EYA4: variants seen among roughly 807,000 people sequenced by gnomAD.
The protein encoded by EYA4 is EYA transcriptional coactivator and phosphatase 4.
In EYA4, 31 loss-of-function variants were observed where a neutral mutation model predicts 87.9. The observed-to-expected ratio is 0.35, with a 90% confidence interval of 0.27 to 0.48. EYA4 has a LOEUF of 0.48. Ranked by LOEUF, EYA4 falls within the 20% of genes least tolerant of loss-of-function variation. The pLI is 0.99. For missense variants in EYA4, 678 were observed against 761.4 expected (o/e 0.89, Z 1.29); for synonymous variants, 263 against 270.6 (o/e 0.97, Z 0.28).
intron 1 of EYA4, among the ~76,000 whole-genome samples, chr6:133,254,847 G>A (rs9402497): frequency 0.22 from 33,864 of 152,084 alleles, 4,083 homozygotes; most frequent in African/African-American, 0.31. Flanking sequence ...GAACAAAACA[G>A]AAAAAGAGAA....
chr6:133,418,673 G>T (rs150611839), intron 3 of EYA4, among the ~76,000 whole-genome samples: 1 of 152,158 alleles, frequency 6.6e-6, no homozygotes, highest in Non-Finnish European at 1.5e-5. Context: ...TTAAGGTTTT[G>T]TGCAACATGA....
intron 13 of EYA4, among the ~76,000 whole-genome samples, chr6:133,498,225 CA>C (rs1797799501): frequency 6.6e-6 from 1 of 152,162 alleles, no homozygotes; most frequent in Non-Finnish European, 1.5e-5. Context: ...GCAGTGCTAA[CA>C]AACACCATAT....
At chr6:133,506,653 C>T (rs1245769866) in intron 14 of EYA4, among the ~76,000 whole-genome samples, 1 of 152,188 alleles carries the variant, frequency 6.6e-6, no homozygotes, top group Non-Finnish European at 1.5e-5. Flanking sequence ...CTGGATAAAA[C>T]AGTGCTAGAA....
At chr6:133,403,595 AC>A (rs1267682431) in intron 3 of EYA4, among the ~76,000 whole-genome samples, 33 of 152,244 alleles carry the variant, frequency 2.2e-4, no homozygotes, top group Admixed American at 2.0e-3. Context: ...AAGAAAGATT[AC>A]ATTTACTTCA....
chr6:133,401,415 A>G (rs1473389596), intron 3 of EYA4, among the ~76,000 whole-genome samples: 1 of 152,228 alleles, frequency 6.6e-6, no homozygotes, highest in South Asian at 2.1e-4. Flanking sequence ...TGTTCCTAGC[A>G]TAAAGAAAAT....
intron 19 of EYA4, among the ~76,000 whole-genome samples, chr6:133,527,839 C>T (rs896963920): frequency 2.1e-4 from 32 of 152,166 alleles, no homozygotes; most frequent in African/African-American, 7.7e-4. Context: ...TAGAAGATGT[C>T]ATCAGCCCAA....
At chr6:133,309,386 G>A (rs1411711000) in intron 2 of EYA4, among the ~76,000 whole-genome samples, 2 of 152,110 alleles carry the variant, frequency 1.3e-5, no homozygotes, top group Admixed American at 6.5e-5. Flanking sequence ...GTACAGTAAT[G>A]ATTCTCTTAA....
Position 133,462,663 on chromosome 6 carries a change from T to C in EYA4, c.623T>C (p.Leu208Pro), listed in dbSNP as rs2060740628. ...MLPAIKTESGLSQTQSPLQSG... is the reference protein window; with the variant it reads ...MLPAIKTESGPSQTQSPLQSG... ...CCAGCCATCAAGACAGAGAGTGGAC[T>C]TTCCCAAACTCAGTCCCCATTACAG... The change falls in exon 9 of 20, where the codon CTT (leucine) becomes CCT (proline). Residue 208 changes from leucine to proline, a missense_variant. Leu to Pro is a moderately conservative substitution (Grantham distance 98). Transcript: ENST00000355286. 5 of 1,613,886 alleles carry C rather than the reference T, an allele frequency of 3.1e-6. No homozygotes were observed. The highest frequency in any genetic ancestry group is 1.7e-5 in the Admixed American group (1 of 59,972).
At chr6:133,310,482 C>T (rs1241235620) in intron 2 of EYA4, among the ~76,000 whole-genome samples, 2 of 152,070 alleles carry the variant, frequency 1.3e-5, no homozygotes, top group Admixed American at 6.6e-5. Context: ...TAATATTTTT[C>T]TTCTAGCTTT....
chr6:133,508,438 T>TGATC lies in EYA4; in HGVS notation c.1281+2244_1281+2247dup, dbSNP rs377516702. Among the ~76,000 whole-genome samples, 355 of 152,260 alleles carry TGATC rather than the reference T, an allele frequency of 2.3e-3. 1 individual carries two copies. Among genetic ancestry groups the TGATC allele is most frequent in the African/African-American group, 8.0e-3 (332 of 41,572 alleles). On this transcript the variant is annotated intron_variant, in intron 14 of 19. Transcript: ENST00000355286. ...TAACTTTTGGGGTTAGTTTTTCTGT[T>TGATC]GATCAGTATGGATGAGTTGCATTGT...
intron 2 of EYA4, among the ~76,000 whole-genome samples, chr6:133,339,008 A>C (rs1782586741): frequency 6.6e-6 from 1 of 152,152 alleles, no homozygotes; most frequent in Non-Finnish European, 1.5e-5. Context: ...GTTATCAGTA[A>C]ACCTTATTAG....
chr6:133,301,706 G>A (rs1779423155), intron 2 of EYA4, among the ~76,000 whole-genome samples: 1 of 152,162 alleles, frequency 6.6e-6, no homozygotes, highest in South Asian at 2.1e-4. Flanking sequence ...AGTAAGTATC[G>A]GAACTGGGAT....
At chr6:133,412,856 C>T (rs1417761432) in intron 3 of EYA4, among the ~76,000 whole-genome samples, 3 of 152,096 alleles carry the variant, frequency 2.0e-5, no homozygotes, top group Non-Finnish European at 4.4e-5. Flanking sequence ...CATCGGACTT[C>T]CTTTGGTGGG....
intron 12 of EYA4, among the ~76,000 whole-genome samples, chr6:133,482,203 A>G (rs538303172): frequency 5.0e-4 from 76 of 152,370 alleles, no homozygotes; most frequent in African/African-American, 1.7e-3. Context: ...TACATACCAC[A>G]TACTTCGGTT....
chr6:133,397,637 T>A (rs1237137821), intron 3 of EYA4, among the ~76,000 whole-genome samples: 1 of 152,202 alleles, frequency 6.6e-6, no homozygotes. Context: ...TTTATTTGCA[T>A]ATATGATATA....
At chr6:133,416,975 T>A (rs1385148537) in intron 3 of EYA4, among the ~76,000 whole-genome samples, 2 of 152,194 alleles carry the variant, frequency 1.3e-5, no homozygotes, top group Non-Finnish European at 2.9e-5. Context: ...CTACTGCCCA[T>A]GTGAAGGAGA....
At chr6:133,441,988 G>A (rs1792353615) in intron 3 of EYA4, among the ~76,000 whole-genome samples, 1 of 151,664 alleles carries the variant, frequency 6.6e-6, no homozygotes, top group Non-Finnish European at 1.5e-5. Context: ...TATGACAGAT[G>A]TATATATGGC....
intron 1 of EYA4, among the ~76,000 whole-genome samples, chr6:133,268,755 C>T (rs1776438330): frequency 6.6e-6 from 1 of 152,080 alleles, no homozygotes; most frequent in African/African-American, 2.4e-5. Flanking sequence ...GAATCAGGAC[C>T]AGGCTGAGAT....
At chr6:133,252,851 G>T (rs1348120404) in intron 1 of EYA4, among the ~76,000 whole-genome samples, 1 of 151,612 alleles carries the variant, frequency 6.6e-6, no homozygotes, top group Non-Finnish European at 1.5e-5. Flanking sequence ...AATTGTATTA[G>T]GTAGATAATC....
Sources: gnomAD v4.1 joint callset for allele counts (sites outside exome capture counted in the v4.1 genomes callset) on GRCh38, gnomAD v4.1.1 for gene constraint, MANE v1.5 for transcripts, NCBI Gene and HGNC (gene_info 2026-07-23, HGNC 2026-07-21) for gene names.